Variants in GPR158 observed in about 807,000 individuals in gnomAD.
GPR158 encodes the protein G protein-coupled receptor 158, also known as metabotropic glycine receptor.
Under a neutral mutation model 78.2 loss-of-function variants are expected in GPR158, and 30 were observed. The ratio of observed to expected loss-of-function variants is 0.38; its 90% confidence interval spans 0.29 to 0.52. The LOEUF (loss-of-function observed/expected upper bound fraction) is 0.52. GPR158 is among the 20% of genes least tolerant of loss of function. The pLI, the probability that GPR158 is intolerant of heterozygous loss-of-function variation, is 0.83. For missense variants in GPR158, 1,463 were observed against 1,523.5 expected (o/e 0.96, Z 0.66); for synonymous variants, 581 against 591.1 (o/e 0.98, Z 0.25).
intron 5 of GPR158, among the ~76,000 whole-genome samples, chr10:25,538,901 A>C (rs1836537489): frequency 6.6e-6 from 1 of 152,186 alleles, no homozygotes; most frequent in Admixed American, 6.5e-5. Flanking sequence ...GAAGTTGTGA[A>C]AGTTTAGAGC....
At chr10:25,388,893 G>T (rs1413598137) in intron 2 of GPR158, among the ~76,000 whole-genome samples, 1 of 152,246 alleles carries the variant, frequency 6.6e-6, no homozygotes, top group Non-Finnish European at 1.5e-5. Flanking sequence ...ATGGAGCAAA[G>T]TTGAGGCTGA....
chr10:25,265,947 C>T (rs1854039551), intron 2 of GPR158, among the ~76,000 whole-genome samples: 1 of 152,192 alleles, frequency 6.6e-6, no homozygotes, highest in Non-Finnish European at 1.5e-5. Context: ...AATGGCTTTA[C>T]ATTGCCGACT....
At chr10:25,489,862 A>T (rs1247081895) in intron 5 of GPR158, among the ~76,000 whole-genome samples, 1 of 152,220 alleles carries the variant, frequency 6.6e-6, no homozygotes, top group Admixed American at 6.6e-5. Flanking sequence ...AAGTCATACA[A>T]ATTAGAAATA....
At chr10:25,354,948 A>G (rs1294593935) in intron 2 of GPR158, among the ~76,000 whole-genome samples, 3 of 151,996 alleles carry the variant, frequency 2.0e-5, no homozygotes, top group Admixed American at 6.6e-5. Context: ...ACTCCTTTAT[A>G]TGCTATTTGC....
At chr10:25,324,391 T>G (rs1349436485) in intron 2 of GPR158, among the ~76,000 whole-genome samples, 5 of 151,820 alleles carry the variant, frequency 3.3e-5, no homozygotes, top group African/African-American at 1.2e-4. Context: ...GCCCCAGGAG[T>G]GAGGAGTGGA....
chr10:25,400,066 C>T lies in GPR158; in HGVS notation c.1111+4053C>T, dbSNP rs572439499. ...CATACACACACATATAAAAACATAA[C>T]ATTAATCATGCATGTAAAGAGATAG... is the stretch of plus-strand genomic sequence containing the variant. On this transcript the variant is annotated intron_variant, in intron 3 of 10. Coordinates refer to ENST00000376351, the MANE Select transcript of GPR158 (RefSeq NM_020752.3). Among the ~76,000 whole-genome samples the T allele has an allele frequency of 3.9e-5, 6 of 152,220 alleles. No homozygotes were observed. In the East Asian group the frequency reaches 1.2e-3, roughly 29 times the overall value.
intron 2 of GPR158, among the ~76,000 whole-genome samples, chr10:25,271,752 C>T (rs1854121637): frequency 6.6e-6 from 1 of 152,048 alleles, no homozygotes; most frequent in African/African-American, 2.4e-5. Context: ...ACCTCCACTT[C>T]CTGGGTTCAA....
chr10:25,558,338 C>T (rs1320744500), intron 6 of GPR158, among the ~76,000 whole-genome samples: 1 of 152,176 alleles, frequency 6.6e-6, no homozygotes, highest in African/African-American at 2.4e-5. Context: ...TAATATTCTT[C>T]GTTAGCAACT....
chr10:25,499,287 C>G (rs1460658103), intron 5 of GPR158, among the ~76,000 whole-genome samples: 1 of 152,122 alleles, frequency 6.6e-6, no homozygotes, highest in Non-Finnish European at 1.5e-5. Flanking sequence ...TTTACCTTTC[C>G]TGAAATACAG....
intron 7 of GPR158, among the ~76,000 whole-genome samples, chr10:25,585,686 G>T (rs1257481337): frequency 6.6e-6 from 1 of 152,190 alleles, no homozygotes; most frequent in Non-Finnish European, 1.5e-5. Context: ...GCAAGACCAA[G>T]ATTTGGAACG....
chr10:25,251,043 A>C (rs962563598), intron 2 of GPR158, among the ~76,000 whole-genome samples: 2 of 151,958 alleles, frequency 1.3e-5, no homozygotes, highest in Non-Finnish European at 2.9e-5. Flanking sequence ...CTTCTTGTTG[A>C]ATTGATCCCT....
chr10:25,241,311 T>TTTCTTTTCTTTTCTC lies in GPR158; in HGVS notation c.1008+20158_1008+20159insTTTCTTTTCTCTTCT, dbSNP rs1554787218. Among the ~76,000 whole-genome samples, 16 of 104,592 alleles carry TTTCTTTTCTTTTCTC rather than the reference T, an allele frequency of 1.5e-4. 1 individual carries two copies. The East Asian group carries it at 3.1e-3, about 20-fold the overall frequency. 68.6% of individuals were successfully genotyped at this position (104,592 alleles called of 152,430 possible). ...TTTCTTTTCTTTTCTTTTCTTTTCT[T>TTTCTTTTCTTTTCTC]TTCTCTTCTCTTCTCTTCTCTTCTC... On this transcript the variant is annotated intron_variant, in intron 2 of 10. Coordinates refer to ENST00000376351, the MANE Select transcript of GPR158 (RefSeq NM_020752.3).
At chr10:25,468,875 A>C (rs756832267) in intron 5 of GPR158, among the ~76,000 whole-genome samples, 4 of 152,232 alleles carry the variant, frequency 2.6e-5, no homozygotes, top group African/African-American at 9.6e-5. Context: ...GAGTTAATGC[A>C]AACAATGATA....
At chr10:25,343,342 C>T (rs1195577123) in intron 2 of GPR158, among the ~76,000 whole-genome samples, 1 of 151,918 alleles carries the variant, frequency 6.6e-6, no homozygotes, top group East Asian at 1.9e-4. Context: ...TAATTTTGTT[C>T]AACCCATTTA....
At chr10:25,308,869 G>A (rs1854722453) in intron 2 of GPR158, among the ~76,000 whole-genome samples, 1 of 152,104 alleles carries the variant, frequency 6.6e-6, no homozygotes, top group African/African-American at 2.4e-5. Flanking sequence ...CTGTGTCGTA[G>A]CATTTGTCAG....
At chr10:25,262,820 A>G (rs910143636) in intron 2 of GPR158, among the ~76,000 whole-genome samples, 3 of 152,250 alleles carry the variant, frequency 2.0e-5, no homozygotes, top group South Asian at 4.1e-4. Context: ...TGTATCTACC[A>G]TTATAGTATC....
At chr10:25,514,924 C>A (rs927225896) in intron 5 of GPR158, among the ~76,000 whole-genome samples, 6 of 152,084 alleles carry the variant, frequency 3.9e-5, no homozygotes, top group African/African-American at 1.4e-4. Context: ...TTACCTGGTG[C>A]TTTTGCTTCA....
chr10:25,366,930 G>A (rs766363281), intron 2 of GPR158, among the ~76,000 whole-genome samples: 14 of 151,610 alleles, frequency 9.2e-5, no homozygotes, highest in African/African-American at 2.2e-4. Flanking sequence ...TTATTCAGAC[G>A]GAAGAGTTCT....
intron 7 of GPR158, among the ~76,000 whole-genome samples, chr10:25,584,033 C>T (rs968525250): frequency 1.3e-5 from 2 of 152,184 alleles, no homozygotes; most frequent in African/African-American, 4.8e-5. Context: ...AAATACTCTC[C>T]TTATAGTATA....
Sources: gnomAD v4.1 joint callset for allele counts (sites outside exome capture counted in the v4.1 genomes callset) on GRCh38, gnomAD v4.1.1 for gene constraint, MANE v1.5 for transcripts, NCBI Gene and HGNC (gene_info 2026-07-23, HGNC 2026-07-21) for gene names.